The following CNR1 variants were observed in gnomAD, a reference collection of about 807,000 sequenced individuals.
The protein encoded by CNR1 is cannabinoid receptor 1 (brain).
Under a neutral mutation model 23.0 loss-of-function variants are expected in CNR1, and 10 were observed. The ratio of observed to expected loss-of-function variants is 0.43; its 90% CI spans 0.27 to 0.74. CNR1 has a LOEUF of 0.74. CNR1 is among the 30% of genes least tolerant of loss of function. CNR1 has a pLI of 0.19. For synonymous variants in CNR1, 271 were observed against 255.2 expected, an observed-to-expected ratio of 1.06 and a Z score of -0.59; for missense variants, 422 against 618.8, an observed-to-expected ratio of 0.68 and a Z score of 3.37.
chr6:88,140,798 TCA>T lies in CNR1; in HGVS notation c.*3056_*3057del, dbSNP rs1319121886. 2.0e-5 allele frequency: 3 copies of T among 152,306 alleles called. No individual in the cohort carries two copies. The highest frequency in any genetic ancestry group is 7.2e-5 in the African/African-American group (3 of 41,428). 9.4% of individuals were successfully genotyped at this position (152,306 alleles called of 1,614,324 possible). A position where few individuals can be genotyped will look rare whatever the true frequency, so the allele number is the denominator to read the frequency against. Reference sequence around the variant, plus strand: ...GCATTTAATACCAGATAGACTTAACTCAAAGTGCCAGAGAGGCTTGGAAATCA... The same window carrying T: ...GCATTTAATACCAGATAGACTTAACTAAGTGCCAGAGAGGCTTGGAAATCA... On this transcript the variant is annotated 3_prime_UTR_variant, in exon 2 of 2. Coordinates refer to ENST00000369501, the MANE Select transcript of CNR1 (RefSeq NM_016083.6).
chr6:88,150,431 C>A (rs1777457047), intron 1 of CNR1, among the ~76,000 whole-genome samples: 1 of 151,632 alleles, frequency 6.6e-6, no homozygotes, highest in South Asian at 2.1e-4. Flanking sequence ...TATGTATTTA[C>A]CCCCTCTTTG....
At chr6:88,145,373 G>C in intron 1 of CNR1, 36 bp from the exon 2 acceptor site, 3 of 925,072 alleles carry the variant, frequency 3.2e-6, no homozygotes, top group Non-Finnish European at 3.3e-6. Flanking sequence ...CGAATGGTGA[G>C]AAACAGGAAG....
At chr6:88,154,884 A>G (rs1308424709) in intron 1 of CNR1, among the ~76,000 whole-genome samples, 1 of 152,192 alleles carries the variant, frequency 6.6e-6, no homozygotes, top group East Asian at 1.9e-4. Context: ...CCGCCCAGAA[A>G]GCAATTATTA....
chr6:88,154,159 C>T (rs1193014419), intron 1 of CNR1, among the ~76,000 whole-genome samples: 1 of 152,118 alleles, frequency 6.6e-6, no homozygotes, highest in African/African-American at 2.4e-5. Context: ...ATTTAATGCA[C>T]CATTTTCTCT....
At position 88,143,638 on chromosome 6, in the gene CNR1, AAAC is replaced by A. The variant is rs1336951870; in HGVS notation, c.*215_*217del. 5.9e-6 allele frequency: 3 copies of A among 508,966 alleles called. No homozygotes were observed. The East Asian group carries it at 9.8e-5, about 17-fold the overall frequency. The allele number at this position is 508,966 out of a possible 1,614,324, so 31.5% of individuals were successfully genotyped here. A position where few individuals can be genotyped will look rare whatever the true frequency, so the allele number is the denominator to read the frequency against. ...ACTTTGAAGGATCGTTCAGTCACTTAAACAACAGGCTTTCTTCACTGTAAACCC... is the reference window on the plus strand; with the variant it reads ...ACTTTGAAGGATCGTTCAGTCACTTAAACAGGCTTTCTTCACTGTAAACCC... On this transcript the variant is annotated 3_prime_UTR_variant, in exon 2 of 2. Transcript: ENST00000369501.
rs140399302 is a variant in CNR1 at position 88,144,687 on chromosome 6, G to A, written c.588C>T (p.Val196=). The A allele has an allele frequency of 4.3e-6, 7 of 1,614,072 alleles. No homozygotes were observed. The African/African-American group carries it at 5.3e-5, about 12-fold the overall frequency. ...RNVFLFKLGG[V]TASFTASVGS... ...CCACGGAGGCAGTGAAGGAGGCCGTGACCCCACCCAGTTTGAACAGAAACA... is the reference window on the plus strand; with the variant it reads ...CCACGGAGGCAGTGAAGGAGGCCGTAACCCCACCCAGTTTGAACAGAAACA... The change falls in exon 2 of 2, where the codon GTC becomes GTT. Residue 196 remains valine, a synonymous_variant. Coordinates refer to ENST00000369501, the MANE Select transcript of CNR1 (RefSeq NM_016083.6). The surrounding 1 kb of genome is among the most constrained non-coding windows in gnomAD (Gnocchi z 7.8).
chr6:88,158,253 A>G (rs934848584), intron 1 of CNR1, among the ~76,000 whole-genome samples: 3 of 152,240 alleles, frequency 2.0e-5, no homozygotes, highest in Admixed American at 2.0e-4. Flanking sequence ...CATTGAAACC[A>G]TGAGGCTGTT....
At position 88,145,300 on chromosome 6, in the gene CNR1, C is replaced by A; in HGVS notation, c.-26G>T. On this transcript the variant is annotated 5_prime_UTR_variant, in exon 2 of 2. Transcript: ENST00000369501. ...AACCTCAGTCTTTGATTAGGCTGAG[C>A]TCAAAATGACTGAGAAAGTGACCCA... 6.4e-7 allele frequency: 1 copy of A among 1,563,786 alleles called. No individual in the cohort carries two copies. The highest frequency in any genetic ancestry group is 8.7e-7 in the Non-Finnish European group (1 of 1,148,576).
chr6:88,167,174 G>A (rs1435907286), upstream of CNR1, among the ~76,000 whole-genome samples: 1 of 152,054 alleles, frequency 6.6e-6, no homozygotes, highest in African/African-American at 2.4e-5. Flanking sequence ...GCCACCCGGG[G>A]CCCCGCTCCT....
chr6:88,164,441 T>C (rs954827905), intron 1 of CNR1: 1 of 152,384 alleles, frequency 6.6e-6, no homozygotes, highest in South Asian at 2.1e-4. Context: ...TAGTATGCAA[T>C]GTTTAAAATT....
intron 1 of CNR1, among the ~76,000 whole-genome samples, chr6:88,152,254 A>AT (rs1777568307): frequency 6.6e-6 from 1 of 150,692 alleles, no homozygotes; most frequent in African/African-American, 2.4e-5. Flanking sequence ...AAATTAAGGC[A>AT]TTTTGCCAAT....
chr6:88,166,738 G>A (rs1450554713), upstream of CNR1, among the ~76,000 whole-genome samples: 1 of 152,140 alleles, frequency 6.6e-6, no homozygotes, highest in Non-Finnish European at 1.5e-5. Flanking sequence ...CTCCCGGGCA[G>A]CGCGCATCGC....
At position 88,144,951 on chromosome 6, in the gene CNR1, G is replaced by T; in HGVS notation, c.324C>A (p.Phe108Leu). Reference protein sequence around the residue: ...CGENFMDIECFMVLNPSQQLA... With the variant: ...CGENFMDIECLMVLNPSQQLA... ...GCTGCTGGCTGGGGTTCAGGACCAT[G>T]AAACACTCTATGTCCATGAAGTTCT... The change falls in exon 2 of 2, where the codon TTC becomes TTA. Residue 108 changes from phenylalanine to leucine, a missense_variant. Physicochemically the swap from Phe to Leu is conservative, Grantham distance 22. Transcript: ENST00000369501. The surrounding 1 kb of genome is among the most constrained non-coding windows in gnomAD (Gnocchi z 7.8). 6.2e-7 allele frequency: 1 copy of T among 1,614,180 alleles called. No homozygotes were observed. Among genetic ancestry groups the T allele is most frequent in the South Asian group, 1.1e-5 (1 of 91,078 alleles).
intron 1 of CNR1, among the ~76,000 whole-genome samples, chr6:88,154,001 AT>A (rs1453114686): frequency 6.6e-6 from 1 of 152,224 alleles, no homozygotes; most frequent in Non-Finnish European, 1.5e-5. Flanking sequence ...TATCCTGATA[AT>A]TCAGGCAAAA....
chr6:88,144,405 G>A lies in CNR1; in HGVS notation c.870C>T (p.Ile290=), dbSNP rs1777026278. ...AGAGAATATACATGTACGCATACAC[G>A]ATGAACAGAAGCAGTACGCTGGTGA... ...IGVTSVLLLF[I]VYAYMYILWK... The change falls in exon 2 of 2, where the codon ATC becomes ATT. Residue 290 remains isoleucine (I), a synonymous_variant. Coordinates refer to ENST00000369501, the MANE Select transcript of CNR1 (RefSeq NM_016083.6). This position sits in a 1 kb window ranked among gnomAD's most constrained non-coding sequence, Gnocchi z 7.8. 7 of 1,613,990 alleles carry A rather than the reference G, an allele frequency of 4.3e-6. No individual in the cohort carries two copies. The highest frequency in any genetic ancestry group is 1.7e-5 in the Admixed American group (1 of 60,006).
intron 1 of CNR1, among the ~76,000 whole-genome samples, chr6:88,159,349 A>G (rs1452223011): frequency 1.3e-5 from 2 of 152,356 alleles, no homozygotes; most frequent in Admixed American, 6.5e-5. Flanking sequence ...ATATGGATCT[A>G]CTGCAAATTA....
chr6:88,145,508 A>G lies in CNR1; in HGVS notation c.-63-171T>C. 5.8e-6 allele frequency: 3 copies of G among 518,574 alleles called. No individual in the cohort carries two copies. In the East Asian group the frequency reaches 9.4e-5, roughly 16 times the overall value. The allele number at this position is 518,574 out of a possible 1,614,324, so 32.1% of individuals were successfully genotyped here. A position where few individuals can be genotyped will look rare whatever the true frequency, so the allele number is the denominator to read the frequency against. On this transcript the variant is annotated intron_variant, in intron 1 of 1. Coordinates refer to ENST00000369501, the MANE Select transcript of CNR1 (RefSeq NM_016083.6). ...TCAACAAAATGAGTAAGTCACTCAG[A>G]GAAAAGCTCCCCAAAGTTCAGGGAT...
chr6:88,155,121 G>A (rs996317939), intron 1 of CNR1, among the ~76,000 whole-genome samples: 3 of 152,174 alleles, frequency 2.0e-5, no homozygotes, highest in African/African-American at 7.2e-5. Context: ...TGAAAAGTAT[G>A]CTATATGATA....
At chr6:88,149,253 T>C (rs187954605) in intron 1 of CNR1, among the ~76,000 whole-genome samples, 1 of 152,176 alleles carries the variant, frequency 6.6e-6, no homozygotes, top group African/African-American at 2.4e-5. Context: ...ATCTAAAATA[T>C]CTCCTGAGTT....
Sources: gnomAD v4.1 joint callset for allele counts (sites outside exome capture counted in the v4.1 genomes callset) on GRCh38, gnomAD v4.1.1 for gene constraint, Gnocchi (gnomAD v3.1) non-coding constraint, MANE v1.5 for transcripts, NCBI Gene and HGNC (gene_info 2026-07-23, HGNC 2026-07-21) for gene names.